CDCP1: variants seen among roughly 807,000 people sequenced by gnomAD.
CDCP1 encodes the protein CUB domain-containing protein 1.
CDCP1 carries 29 observed loss-of-function variants against 60.2 expected under a neutral mutation model. The ratio of observed to expected loss-of-function variants is 0.48; its 90% CI spans 0.36 to 0.66. The LOEUF is 0.66. Among genes scored for constraint, CDCP1 ranks in the 30% least tolerant of loss-of-function variants. The pLI, the probability that CDCP1 is intolerant of heterozygous loss-of-function variation, is 0.00. For missense variants in CDCP1, 876 were observed against 1,074.3 expected, an observed-to-expected ratio of 0.82 and a Z score of 2.58; for synonymous variants, 387 against 431.1, an observed-to-expected ratio of 0.90 and a Z score of 1.27.
At chr3:45,099,734 C>G (rs1194275099) in intron 4 of CDCP1, among the ~76,000 whole-genome samples, 2 of 151,944 alleles carry the variant, frequency 1.3e-5, no homozygotes, top group Admixed American at 1.3e-4. Flanking sequence ...TCTTTCAGCC[C>G]TTTTGACTCT....
intron 4 of CDCP1, among the ~76,000 whole-genome samples, chr3:45,099,494 T>C (rs1424442499): frequency 2.0e-5 from 3 of 152,126 alleles, no homozygotes; most frequent in Admixed American, 2.0e-4. Flanking sequence ...TCTATTTATA[T>C]CCATTGTGTG....
At chr3:45,118,679 G>T in intron 1 of CDCP1, 58 bp from the exon 2 acceptor site, 1 of 1,399,498 alleles carries the variant, frequency 7.1e-7, no homozygotes, top group South Asian at 1.2e-5. Context: ...AAACTGCTGT[G>T]GTCCCCGACC....
chr3:45,092,797 G>A (rs780643833), intron 6 of CDCP1, among the ~76,000 whole-genome samples: 3 of 152,120 alleles, frequency 2.0e-5, no homozygotes, highest in Non-Finnish European at 2.9e-5. Context: ...GGAGGGTCGG[G>A]TCTGCCCAGC....
chr3:45,109,949 C>A (rs188012110), intron 4 of CDCP1, among the ~76,000 whole-genome samples: 43 of 152,268 alleles, frequency 2.8e-4, no homozygotes, highest in Admixed American at 1.8e-3. Context: ...GATGTCAGGC[C>A]AGTTCCATAA....
At chr3:45,120,670 CT>C (rs931506448) in intron 1 of CDCP1, among the ~76,000 whole-genome samples, 22 of 152,264 alleles carry the variant, frequency 1.4e-4, no homozygotes, top group African/African-American at 4.6e-4. Context: ...GGCAAAACTT[CT>C]TGTCTTTCTG....
At chr3:45,103,852 G>C (rs544017854) in intron 4 of CDCP1, among the ~76,000 whole-genome samples, 23 of 152,220 alleles carry the variant, frequency 1.5e-4, no homozygotes, top group Non-Finnish European at 2.8e-4. Context: ...CCAGTCACCA[G>C]AATCGTGAGC....
chr3:45,129,337 G>T (rs139404268), intron 1 of CDCP1, among the ~76,000 whole-genome samples: 366 of 152,320 alleles, frequency 2.4e-3, no homozygotes, highest in African/African-American at 8.2e-3. Context: ...ATTCCAGATT[G>T]AATCACACCG....
At chr3:45,131,859 G>A (rs1699101219) in intron 1 of CDCP1, among the ~76,000 whole-genome samples, 2 of 152,134 alleles carry the variant, frequency 1.3e-5, no homozygotes, top group Non-Finnish European at 2.9e-5. Flanking sequence ...GGTCTCTGTA[G>A]GCCACGCACT....
intron 4 of CDCP1, among the ~76,000 whole-genome samples, chr3:45,108,151 TCAGA>T (rs1698603438): frequency 1.3e-5 from 2 of 148,752 alleles, no homozygotes; most frequent in African/African-American, 4.9e-5. Context: ...AAAGAATGGG[TCAGA>T]CAAACAGGTA....
chr3:45,144,768 C>A (rs1295537431), intron 1 of CDCP1, among the ~76,000 whole-genome samples: 2 of 152,230 alleles, frequency 1.3e-5, no homozygotes, highest in African/African-American at 4.8e-5. Context: ...CACATATACA[C>A]ATATTTTCAC....
At chr3:45,121,533 AG>A (rs1192674557) in intron 1 of CDCP1, among the ~76,000 whole-genome samples, 1 of 152,186 alleles carries the variant, frequency 6.6e-6, no homozygotes, top group African/African-American at 2.4e-5. Context: ...CAGCCCATCT[AG>A]CTATGTTACC....
intron 3 of CDCP1, among the ~76,000 whole-genome samples, chr3:45,111,327 AT>A (rs769737056): frequency 6.6e-6 from 1 of 152,178 alleles, no homozygotes; most frequent in African/African-American, 2.4e-5. Context: ...ATTTAATTCT[AT>A]TTTTTTATAA....
At chr3:45,105,534 C>T (rs908625395) in intron 4 of CDCP1, among the ~76,000 whole-genome samples, 1 of 152,098 alleles carries the variant, frequency 6.6e-6, no homozygotes, top group African/African-American at 2.4e-5. Context: ...CTCATGATCA[C>T]CCAGAAGCCC....
At chr3:45,143,164 A>G (rs1699323737) in intron 1 of CDCP1, among the ~76,000 whole-genome samples, 1 of 152,242 alleles carries the variant, frequency 6.6e-6, no homozygotes, top group African/African-American at 2.4e-5. Flanking sequence ...AGATCGCGCC[A>G]TTGCACTCCA....
At chr3:45,089,241 G>T in intron 7 of CDCP1, 100 bp from the exon 8 acceptor site, 1 of 889,120 alleles carries the variant, frequency 1.1e-6, no homozygotes, top group Non-Finnish European at 1.8e-6. Context: ...CTCTCCAAAG[G>T]TGGAGCGCCA....
Position 45,095,548 on chromosome 3 carries a change from A to G in CDCP1, c.1045T>C (p.Leu349=), listed in dbSNP as rs780108607. The G allele has an allele frequency of 6.2e-7, 1 of 1,614,090 alleles. No homozygotes were observed. The highest frequency in any genetic ancestry group is 2.2e-5 in the East Asian group (1 of 44,864). The change falls in exon 5 of 9, where the codon TTG becomes CTG. Residue 349 remains leucine (L), a synonymous_variant. Transcript: ENST00000296129. ...AGTGACATGGCTCGCTCATTACTCA[A>G]GTCAACCACGTAGATTTTATCTGAA... The part of the protein sequence containing the change: ...NESNKIYVVD[L]SNERAMSLTI...
intron 1 of CDCP1, among the ~76,000 whole-genome samples, chr3:45,131,237 G>GA (rs1699088769): frequency 6.6e-6 from 1 of 151,108 alleles, no homozygotes; most frequent in Admixed American, 6.6e-5. Context: ...ATAGAAAAGG[G>GA]AAAAAAGCAC....
intron 4 of CDCP1, among the ~76,000 whole-genome samples, chr3:45,101,214 A>G (rs1295403972): frequency 6.6e-6 from 1 of 152,230 alleles, no homozygotes; most frequent in Non-Finnish European, 1.5e-5. Flanking sequence ...GCTGTGGTCA[A>G]TGCAGTACCA....
chr3:45,086,160 AG>A (rs1698190776), intron 8 of CDCP1, 93 bp from the exon 9 acceptor site: 4 of 1,152,468 alleles, frequency 3.5e-6, no homozygotes, highest in Admixed American at 2.0e-5. Flanking sequence ...TGGATTCTTT[AG>A]GGTTCTGACC....
Sources: allele counts gnomAD v4.1 joint callset (sites outside exome capture counted in the v4.1 genomes callset), GRCh38; gene constraint gnomAD v4.1.1; transcripts MANE v1.5; gene names NCBI Gene and HGNC (gene_info 2026-07-23, HGNC 2026-07-21).